TMCC2: variants seen among roughly 807,000 people sequenced by gnomAD.
TMCC2 encodes transmembrane and coiled-coil domain family 2.
A neutral mutation model predicts 49.4 loss-of-function variants in TMCC2; 16 were observed. That is an observed-to-expected ratio of 0.32 (90% CI 0.22 to 0.49). The LOEUF (loss-of-function observed/expected upper bound fraction) is 0.49, where lower values mean the gene tolerates loss of function less well. Among genes scored for constraint, TMCC2 ranks in the 20% least tolerant of loss-of-function variants. TMCC2 has a pLI of 0.99. For missense variants in TMCC2, 762 were observed against 989.8 expected (o/e 0.77, Z 3.09); for synonymous variants, 397 against 434.1 (o/e 0.91, Z 1.06).
chr1:205,265,737 T>C (rs968903047), intron 2 of TMCC2, among the ~76,000 whole-genome samples: 3 of 151,318 alleles, frequency 2.0e-5, no homozygotes, highest in Non-Finnish European at 4.4e-5. Context: ...ATTTTTGTAT[T>C]TTTAGTAGAG....
chr1:205,237,896 C>T (rs1449420852), intron 1 of TMCC2, among the ~76,000 whole-genome samples: 2 of 152,202 alleles, frequency 1.3e-5, no homozygotes, highest in Admixed American at 6.5e-5. Flanking sequence ...CGGGGCACCT[C>T]ACCCTGGGAG....
intron 2 of TMCC2, among the ~76,000 whole-genome samples, chr1:205,243,867 G>A (rs143707677): frequency 1.2e-3 from 187 of 152,310 alleles, no homozygotes; most frequent in Non-Finnish European, 2.3e-3. Context: ...AGGATGTGTC[G>A]AATGAGAAGG....
intron 2 of TMCC2, among the ~76,000 whole-genome samples, chr1:205,259,048 A>G (rs1334718250): frequency 1.3e-5 from 2 of 152,220 alleles, no homozygotes; most frequent in Non-Finnish European, 2.9e-5. Context: ...CCTTGCTCCC[A>G]GGAGCGGTGT....
At position 205,228,436 on chromosome 1, in the gene TMCC2, G is replaced by T; in HGVS notation, c.-129G>T. 1 of 690,142 alleles carries T rather than the reference G, an allele frequency of 1.4e-6. No homozygotes were observed. Among genetic ancestry groups the T allele is most frequent in the Non-Finnish European group, 2.3e-6 (1 of 437,736 alleles). The allele number at this position is 690,142 out of a possible 1,614,324, so 42.8% of individuals were successfully genotyped here. A position where few individuals can be genotyped will look rare whatever the true frequency, so the allele number is the denominator to read the frequency against. On this transcript the variant is annotated 5_prime_UTR_variant, in exon 1 of 5. Transcript: ENST00000358024. Reference sequence around the variant, plus strand: ...AATTTTTTTTTTAATTCAAGAAATTGTGGTCTGCCATCTCCCCTCCTTGTT... The same window carrying T: ...AATTTTTTTTTTAATTCAAGAAATTTTGGTCTGCCATCTCCCCTCCTTGTT...
At chr1:205,232,906 G>A (rs1470336924) in intron 1 of TMCC2, among the ~76,000 whole-genome samples, 2 of 119,500 alleles carry the variant, frequency 1.7e-5, no homozygotes, top group African/African-American at 6.6e-5. Context: ...TTGCACTCCA[G>A]CCTGGGCTAC....
rs569295900 is a variant in TMCC2 at position 205,269,439 on chromosome 1, C to T, written c.1237C>T (p.Leu413Phe). 4.4e-6 allele frequency: 7 copies of T among 1,606,044 alleles called. No homozygotes were observed. In the South Asian group the frequency reaches 6.6e-5, roughly 15 times the overall value. The change falls in exon 3 of 5, where the codon CTC becomes TTC. Residue 413 changes from leucine to phenylalanine, a missense_variant. Around this residue, in one of 2 missense-constraint regions of TMCC2, gnomAD observed 440 missense variants for 636.7 expected, o/e 0.69. Transcript: ENST00000358024. ...GGGCGTCAAGGGCAGCCTCTCTGGCCTCTCACAGGCCACCCACACCGCCGT... is the reference window on the plus strand; with the variant it reads ...GGGCGTCAAGGGCAGCCTCTCTGGCTTCTCACAGGCCACCCACACCGCCGT... Reference protein sequence around the residue: ...VEGVKGSLSGLSQATHTAVVS... With the variant: ...VEGVKGSLSGFSQATHTAVVS...
rs575544496 is a variant in TMCC2 at position 205,268,970 on chromosome 1, G to A, written c.768G>A (p.Val256=). Residue 256 remains valine, a synonymous_variant, in exon 3 of 5, where the codon GTG becomes GTA. Transcript: ENST00000358024. The part of the protein sequence containing the change: ...IGDKVDKGDL[V]ALSLPAGHGD... ...CCCAGGTCGATAAGGGAGACCTGGTGGCCCTGAGCCTCCCCGCCGGCCATG... is the reference window on the plus strand; with the variant it reads ...CCCAGGTCGATAAGGGAGACCTGGTAGCCCTGAGCCTCCCCGCCGGCCATG... The A allele has an allele frequency of 2.0e-5, 33 of 1,612,714 alleles. No individual in the cohort carries two copies. The East Asian group carries it at 7.4e-4, about 36-fold the overall frequency.
rs1356281823 is a variant in TMCC2 at position 205,248,982 on chromosome 1, G to A, written c.747+6938G>A. On this transcript the variant is annotated intron_variant, in intron 2 of 4. Coordinates refer to ENST00000358024, the MANE Select transcript of TMCC2 (RefSeq NM_014858.4). The stretch of plus-strand genomic sequence containing the variant: ...CAGTGTGGCTGAGAAGCAGCACGGG[G>A]CAGAGCTGGGAGGGCTTCTGGACAG... 2.0e-5 allele frequency among the ~76,000 whole-genome samples: 3 copies of A among 152,326 alleles called. No homozygotes were observed. In the East Asian group the frequency reaches 5.8e-4, roughly 29 times the overall value.
At chr1:205,267,784 A>G (rs1661404553) in intron 2 of TMCC2, 1 of 728,330 alleles carries the variant, frequency 1.4e-6, no homozygotes, top group African/African-American at 1.9e-5. Context: ...TGCACTCGGG[A>G]AGCCTGCCCG....
chr1:205,241,802 A>G lies in TMCC2; in HGVS notation c.505A>G (p.Ser169Gly), dbSNP rs1269411250. The G allele has an allele frequency of 1.0e-5, 16 of 1,607,676 alleles. No individual in the cohort carries two copies. The highest frequency in any genetic ancestry group is 3.3e-4 in the Middle Eastern group (2 of 6,046). ...CATCAAGCGGGGCGCCAGCCTGCACAGCAGCAGTGGGGGCGGCAGCAGCGG... is the reference window on the plus strand; with the variant it reads ...CATCAAGCGGGGCGCCAGCCTGCACGGCAGCAGTGGGGGCGGCAGCAGCGG... ...PSIKRGASLH[S>G]SSGGGSSGSS... The change falls in exon 2 of 5, where the codon AGC (serine) becomes GGC (glycine). Residue 169 changes from serine (S) to glycine (G), a missense_variant. By Grantham distance (56) the Ser-to-Gly change is moderately conservative. Around this residue, in one of 2 missense-constraint regions of TMCC2, gnomAD observed 322 missense variants for 353.1 expected, o/e 0.91. Coordinates refer to ENST00000358024, the MANE Select transcript of TMCC2 (RefSeq NM_014858.4). The surrounding 1 kb of genome is among the most constrained non-coding windows in gnomAD (Gnocchi z 7.3).
rs61823996 is a variant in TMCC2 at position 205,264,502 on chromosome 1, T to G, written c.748-4448T>G. On this transcript the variant is annotated intron_variant, in intron 2 of 4. Coordinates refer to ENST00000358024, the MANE Select transcript of TMCC2 (RefSeq NM_014858.4). This position sits in a 1 kb window ranked among gnomAD's most constrained non-coding sequence, Gnocchi z 4.2. Reference sequence around the variant, plus strand: ...CTCAGTTAATTTTGTTTTTTTTTTTTGGGACGGAGTCTCGCTCTGTTGCCC... The same window carrying G: ...CTCAGTTAATTTTGTTTTTTTTTTTGGGGACGGAGTCTCGCTCTGTTGCCC... Among the ~76,000 whole-genome samples the G allele has an allele frequency of 5.5e-5, 8 of 145,210 alleles. No homozygotes were observed. Among genetic ancestry groups the G allele is most frequent in the Admixed American group, 2.0e-4 (3 of 14,666 alleles).
At chr1:205,245,101 C>A (rs1044240663) in intron 2 of TMCC2, among the ~76,000 whole-genome samples, 2 of 152,086 alleles carry the variant, frequency 1.3e-5, no homozygotes, top group African/African-American at 4.8e-5. Flanking sequence ...GGCAGCAGGT[C>A]TCTTTGATGA....
chr1:205,260,198 G>C (rs1661049632), intron 2 of TMCC2, among the ~76,000 whole-genome samples: 1 of 152,200 alleles, frequency 6.6e-6, no homozygotes, highest in Non-Finnish European at 1.5e-5. Context: ...TTGGGGTGGG[G>C]TGAGGAGGTC....
intron 2 of TMCC2, among the ~76,000 whole-genome samples, chr1:205,254,912 G>A (rs894904937): frequency 2.0e-5 from 3 of 152,146 alleles, no homozygotes; most frequent in African/African-American, 7.2e-5. Flanking sequence ...ATAAGAAAAA[G>A]TTTAAAATGT....
chr1:205,241,571 C>A lies in TMCC2; in HGVS notation c.274C>A (p.Arg92Ser). The change falls in exon 2 of 5, where the codon CGT becomes AGT. Residue 92 changes from arginine (R) to serine (S), a missense_variant. By Grantham distance (110) the Arg-to-Ser change is moderately radical (BLOSUM62 -1). This residue lies in a region of TMCC2 where 322 missense variants were observed against 353.1 expected (regional missense o/e 0.91). Coordinates refer to ENST00000358024, the MANE Select transcript of TMCC2 (RefSeq NM_014858.4). The surrounding 1 kb of genome is among the most constrained non-coding windows in gnomAD (Gnocchi z 7.3). ...TCTGAAGCACCTGTTCCACAGCCGCCGTCGGTCTCGGGAAAGGGAGCACCA... is the reference window on the plus strand; with the variant it reads ...TCTGAAGCACCTGTTCCACAGCCGCAGTCGGTCTCGGGAAAGGGAGCACCA... Reference protein sequence around the residue: ...HGLKHLFHSRRRSREREHQTS... With the variant: ...HGLKHLFHSRSRSREREHQTS... 1 of 1,613,914 alleles carries A rather than the reference C, an allele frequency of 6.2e-7. No individual in the cohort carries two copies. Among genetic ancestry groups the A allele is most frequent in the South Asian group, 1.1e-5 (1 of 91,070 alleles).
intron 2 of TMCC2, among the ~76,000 whole-genome samples, chr1:205,260,117 T>TACTGTTGTGAA (rs1316003916): frequency 2.6e-5 from 4 of 152,208 alleles, no homozygotes; most frequent in African/African-American, 9.6e-5. Context: ...CTCTTAGAGC[T>TACTGTTGTGAA]TGCCCAGCCC....
At position 205,228,657 on chromosome 1, in the gene TMCC2, G is replaced by C; in HGVS notation, c.93G>C (p.Ala31=). 1.2e-6 allele frequency: 2 copies of C among 1,613,108 alleles called. No individual in the cohort carries two copies. Among genetic ancestry groups the C allele is most frequent in the Non-Finnish European group, 8.5e-7 (1 of 1,179,818 alleles). ...LEDAASHLPG[A]DLRPGETTGA... ...ATGCCGCTTCCCACCTGCCGGGCGC[G>C]GACCTCCGGCCTGGGGAGACCACGG... is the stretch of plus-strand genomic sequence containing the variant. The change falls in exon 1 of 5, where the codon GCG becomes GCC. Residue 31 remains alanine, a synonymous_variant. Coordinates refer to ENST00000358024, the MANE Select transcript of TMCC2 (RefSeq NM_014858.4).
At position 205,269,189 on chromosome 1, in the gene TMCC2, G is replaced by A. The variant is rs771742328; in HGVS notation, c.987G>A (p.Val329=). 1.7e-5 allele frequency: 27 copies of A among 1,614,040 alleles called. No individual in the cohort carries two copies. Among genetic ancestry groups the A allele is most frequent in the South Asian group, 1.6e-4 (15 of 91,086 alleles). Residue 329 remains valine (V), a synonymous_variant, in exon 3 of 5, where the codon GTG becomes GTA. Coordinates refer to ENST00000358024, the MANE Select transcript of TMCC2 (RefSeq NM_014858.4). ...CCAACAACGCGGACAAGCAGCAGGT[G>A]TCACGCATCAAGCAAGTGTTCGAGA... ...KLANNADKQQ[V]SRIKQVFEKK...
At chr1:205,260,978 C>T (rs1001012956) in intron 2 of TMCC2, among the ~76,000 whole-genome samples, 3 of 152,148 alleles carry the variant, frequency 2.0e-5, no homozygotes, top group African/African-American at 4.8e-5. Flanking sequence ...AATATTGCTG[C>T]TATGAGCATT....
Sources: allele counts gnomAD v4.1 joint callset (sites outside exome capture counted in the v4.1 genomes callset), GRCh38; gene constraint gnomAD v4.1.1; regional missense constraint gnomAD v4.1.1; non-coding constraint Gnocchi (gnomAD v3.1); transcripts MANE v1.5; gene names NCBI Gene and HGNC (gene_info 2026-07-23, HGNC 2026-07-21).